Variants in SS18 observed in about 807,000 individuals in gnomAD.
The protein encoded by SS18 is SS18 subunit of BAF chromatin remodeling complex, also known as protein SSXT.
SS18 carries 28 observed loss-of-function variants against 72.5 expected under a neutral mutation model. That is an observed-to-expected ratio of 0.39 (90% CI 0.29 to 0.53). The LOEUF (loss-of-function observed/expected upper bound fraction) is 0.53, where lower values mean the gene tolerates loss of function less well. Among genes scored for constraint, SS18 ranks in the 20% least tolerant of loss-of-function variants. The pLI, the probability that SS18 is intolerant of heterozygous loss-of-function variation, is 0.76. For synonymous variants in SS18, 172 were observed against 164.2 expected (o/e 1.05, Z -0.37); for missense variants, 518 against 535.3 (o/e 0.97, Z 0.32).
intron 3 of SS18, among the ~76,000 whole-genome samples, chr18:26,059,756 T>C (rs1247515295): frequency 6.6e-6 from 1 of 152,200 alleles, no homozygotes; most frequent in African/African-American, 2.4e-5. Flanking sequence ...TGGAGCAAAG[T>C]AACACAAACT....
Position 26,025,862 on chromosome 18 carries a change from G to GA in SS18, c.1230+6536dup, listed in dbSNP as rs774718028. ...ACAAAACCAGACAAACATGTTACAAGAAAAAAAAAAAACAGATTCCAAAAT... is the reference window on the plus strand; with the variant it reads ...ACAAAACCAGACAAACATGTTACAAGAAAAAAAAAAAAACAGATTCCAAAAT... On this transcript the variant is annotated intron_variant, in intron 10 of 10. Coordinates refer to ENST00000415083, the MANE Select transcript of SS18 (RefSeq NM_001007559.3). Among the ~76,000 whole-genome samples, 580 of 138,416 alleles carry GA rather than the reference G, an allele frequency of 4.2e-3. 1 individual carries two copies. Among genetic ancestry groups the GA allele is most frequent in the African/African-American group, 0.01 (384 of 37,600 alleles). 90.8% of individuals were successfully genotyped at this position (138,416 alleles called of 152,430 possible).
chr18:26,088,418 T>C (rs1000128838), intron 1 of SS18, among the ~76,000 whole-genome samples: 9 of 152,206 alleles, frequency 5.9e-5, no homozygotes, highest in African/African-American at 2.2e-4. Context: ...GACTCTCCAA[T>C]TATGAGATAA....
At chr18:26,028,403 T>A (rs1051978051) in intron 10 of SS18, among the ~76,000 whole-genome samples, 17 of 152,232 alleles carry the variant, frequency 1.1e-4, no homozygotes, top group African/African-American at 3.9e-4. Flanking sequence ...CGGAAAACAT[T>A]CTGGCAGTTT....
chr18:26,083,525 T>C (rs1261467829), intron 2 of SS18, among the ~76,000 whole-genome samples: 1 of 152,208 alleles, frequency 6.6e-6, no homozygotes, highest in African/African-American at 2.4e-5. Context: ...ACCTAGGCTA[T>C]ACAGTATAGC....
At chr18:26,059,237 AAGGGGCTAC>A (rs1359340440) in intron 3 of SS18, among the ~76,000 whole-genome samples, 9 of 152,226 alleles carry the variant, frequency 5.9e-5, no homozygotes, top group African/African-American at 2.2e-4. Context: ...AGAGGAACAG[AAGGGGCTAC>A]AACTCCTGAA....
chr18:26,019,347 ACTCT>A (rs2053303798), intron 10 of SS18, among the ~76,000 whole-genome samples: 1 of 152,104 alleles, frequency 6.6e-6, no homozygotes, highest in Admixed American at 6.6e-5. Flanking sequence ...TGGCTAAACA[ACTCT>A]CTCTCCACGT....
chr18:26,058,734 C>CT (rs1207544027), intron 3 of SS18, among the ~76,000 whole-genome samples: 1 of 152,142 alleles, frequency 6.6e-6, no homozygotes, highest in Admixed American at 6.5e-5. Flanking sequence ...CAGAAATAAA[C>CT]AAGTCTACTC....
intron 10 of SS18, among the ~76,000 whole-genome samples, chr18:26,027,243 C>G (rs1001040217): frequency 4.6e-5 from 7 of 152,160 alleles, no homozygotes; most frequent in African/African-American, 1.7e-4. Flanking sequence ...CAGTGTGGTA[C>G]TGGCATAAAG....
chr18:26,052,521 A>C (rs1330998955), intron 5 of SS18, 103 bp downstream of exon 5: 12 of 919,876 alleles, frequency 1.3e-5, no homozygotes, highest in Non-Finnish European at 2.0e-5. Flanking sequence ...CACTCACTTT[A>C]AACTTTTATT....
At chr18:26,040,045 A>T (rs1443885312) in intron 5 of SS18, among the ~76,000 whole-genome samples, 1 of 152,222 alleles carries the variant, frequency 6.6e-6, no homozygotes, top group Non-Finnish European at 1.5e-5. Flanking sequence ...CCCAACTACA[A>T]GATTTATAAC....
chr18:26,034,837 G>A (rs1435695356), intron 9 of SS18, among the ~76,000 whole-genome samples, 168 bp downstream of exon 9: 1 of 152,090 alleles, frequency 6.6e-6, no homozygotes, highest in African/African-American at 2.4e-5. Flanking sequence ...TGGATTACTA[G>A]TTTATCTAAG....
At chr18:26,037,118 A>G (rs953996746) in intron 7 of SS18, among the ~76,000 whole-genome samples, 1 of 152,138 alleles carries the variant, frequency 6.6e-6, no homozygotes, top group Non-Finnish European at 1.5e-5. Context: ...AGAATACTCT[A>G]TGTAAATGTC....
chr18:26,035,241 T>A lies in SS18; in HGVS notation c.974-114A>T. 7.9e-7 allele frequency: 1 copy of A among 1,260,706 alleles called. No individual in the cohort carries two copies. 78.1% of individuals were successfully genotyped at this position (1,260,706 alleles called of 1,614,324 possible). A position where few individuals can be genotyped will look rare whatever the true frequency, so the allele number is the denominator to read the frequency against. On this transcript the variant is annotated intron_variant, in intron 8 of 10. Transcript: ENST00000415083. This position sits in a 1 kb window ranked among gnomAD's most constrained non-coding sequence, Gnocchi z 4.4. Reference sequence around the variant, plus strand: ...GAACAAAATGAAATGCCATATTGATTTTTAGAAGTTAACAAAACAAAGAAA... The same window carrying A: ...GAACAAAATGAAATGCCATATTGATATTTAGAAGTTAACAAAACAAAGAAA...
chr18:26,051,677 C>A (rs2143973581), intron 5 of SS18, among the ~76,000 whole-genome samples: 1 of 152,188 alleles, frequency 6.6e-6, no homozygotes, highest in African/African-American at 2.4e-5. Context: ...AAAAATAATT[C>A]TACCATAAGC....
upstream of SS18, chr18:26,090,908 C>A: frequency 2.8e-6 from 1 of 359,548 alleles, no homozygotes; most frequent in Non-Finnish European, 5.1e-6. Context: ...GAAATGGTCC[C>A]GCCGCCGCGG....
intron 5 of SS18, among the ~76,000 whole-genome samples, chr18:26,050,929 T>C (rs946204724): frequency 1.3e-5 from 2 of 151,756 alleles, no homozygotes; most frequent in African/African-American, 2.4e-5. Flanking sequence ...AATAAATAAA[T>C]AAACAAATAA....
At chr18:26,047,428 T>G (rs72878224) in intron 5 of SS18, among the ~76,000 whole-genome samples, 58,571 of 151,834 alleles carry the variant, frequency 0.39, 13,356 homozygotes, top group South Asian at 0.57. Flanking sequence ...AGTAAATCTA[T>G]TAATACCATA....
At chr18:26,037,898 T>A (rs2053652021) in intron 7 of SS18, among the ~76,000 whole-genome samples, 1 of 152,210 alleles carries the variant, frequency 6.6e-6, no homozygotes, top group Middle Eastern at 3.4e-3. Context: ...TTTCCTGAAG[T>A]ACAGTGCATC....
chr18:26,042,070 T>A (rs1482844461), intron 5 of SS18, among the ~76,000 whole-genome samples: 1 of 152,186 alleles, frequency 6.6e-6, no homozygotes, highest in African/African-American at 2.4e-5. Flanking sequence ...ATTATGACTA[T>A]GACTTCAATT....
Sources: allele counts gnomAD v4.1 joint callset (sites outside exome capture counted in the v4.1 genomes callset), GRCh38; gene constraint gnomAD v4.1.1; non-coding constraint Gnocchi (gnomAD v3.1); transcripts MANE v1.5; gene names NCBI Gene and HGNC (gene_info 2026-07-23, HGNC 2026-07-21).